Variants in CTNND2 observed in about 807,000 individuals in gnomAD.
The protein encoded by CTNND2 is catenin delta-2.
Under a neutral mutation model 144.4 loss-of-function variants are expected in CTNND2, and 22 were observed. That is an observed-to-expected ratio of 0.15 (90% CI 0.11 to 0.22). The LOEUF (loss-of-function observed/expected upper bound fraction) is 0.22, where lower values mean the gene tolerates loss of function less well. Among genes scored for constraint, CTNND2 ranks in the 10% least tolerant of loss-of-function variants. The probability of loss-of-function intolerance (pLI) is 1.00; values close to 1 mark genes in which losing one functional copy is unlikely to be tolerated. For missense variants in CTNND2, 1,353 were observed against 1,618.8 expected (o/e 0.84, Z 2.82); for synonymous variants, 751 against 695.6 (o/e 1.08, Z -1.25).
In CTNND2 at chr5:11,588,993, T is replaced by C. The variant is rs1223831364; in HGVS notation, c.175-23937A>G. Reference sequence around the variant, plus strand: ...GTCAGGACGCTGAATTATCCTATGGTAATTTCTGCTTTCACTCGCAAACAG... The same window carrying C: ...GTCAGGACGCTGAATTATCCTATGGCAATTTCTGCTTTCACTCGCAAACAG... On this transcript the variant is annotated intron_variant, in intron 2 of 21. Coordinates refer to ENST00000304623, the MANE Select transcript of CTNND2 (RefSeq NM_001332.4). 3.0e-6 allele frequency: 3 copies of C among 985,182 alleles called. No homozygotes were observed. The African/African-American group carries it at 5.2e-5, about 17-fold the overall frequency. 61.0% of individuals were successfully genotyped at this position (985,182 alleles called of 1,614,324 possible).
intron 3 of CTNND2, among the ~76,000 whole-genome samples, chr5:11,487,475 A>T (rs577391944): frequency 6.6e-6 from 1 of 152,224 alleles, no homozygotes; most frequent in African/African-American, 2.4e-5. Flanking sequence ...ATTAAACTCC[A>T]AATCACATGA....
intron 2 of CTNND2, among the ~76,000 whole-genome samples, chr5:11,574,799 A>G (rs1275639706): frequency 2.0e-5 from 3 of 152,186 alleles, no homozygotes; most frequent in Non-Finnish European, 4.4e-5. Flanking sequence ...ATACCACAAT[A>G]GAGAAAGCAG....
chr5:11,120,983 C>A (rs1298991864), intron 12 of CTNND2, among the ~76,000 whole-genome samples: 1 of 152,158 alleles, frequency 6.6e-6, no homozygotes, highest in Non-Finnish European at 1.5e-5. Context: ...TCCGTCTTCC[C>A]CACAGACACA....
chr5:11,225,656 C>T (rs1473689207), intron 10 of CTNND2, among the ~76,000 whole-genome samples: 12 of 152,166 alleles, frequency 7.9e-5, no homozygotes, highest in African/African-American at 1.2e-4. Flanking sequence ...CACTGGCCTA[C>T]GTGGTTTATG....
intron 1 of CTNND2, among the ~76,000 whole-genome samples, chr5:11,806,628 G>A (rs10055762): frequency 0.1 from 15,154 of 152,078 alleles, 1,786 homozygotes; most frequent in African/African-American, 0.28. Flanking sequence ...GTAAAAACCT[G>A]GGTAAGTTCT....
intron 2 of CTNND2, among the ~76,000 whole-genome samples, chr5:11,701,266 C>T (rs1324151323): frequency 6.6e-6 from 1 of 152,142 alleles, no homozygotes; most frequent in Non-Finnish European, 1.5e-5. Flanking sequence ...CCTAGCACTA[C>T]CCCATCAGCA....
intron 9 of CTNND2, among the ~76,000 whole-genome samples, chr5:11,323,212 A>C (rs1752205924): frequency 7.6e-6 from 1 of 131,134 alleles, no homozygotes; most frequent in African/African-American, 2.8e-5. Context: ...CAAATTAAAA[A>C]ACAAAAACAT....
intron 11 of CTNND2, among the ~76,000 whole-genome samples, chr5:11,196,564 A>G (rs1244027517): frequency 6.6e-6 from 1 of 152,226 alleles, no homozygotes; most frequent in African/African-American, 2.4e-5. Context: ...TAATTCATGC[A>G]TGGATACCTG....
chr5:11,143,900 G>A lies in CTNND2; in HGVS notation c.2159+15676C>T, dbSNP rs10053794. On this transcript the variant is annotated intron_variant, in intron 12 of 21. Coordinates refer to ENST00000304623, the MANE Select transcript of CTNND2 (RefSeq NM_001332.4). ...TCCCAGGTTTTCCATAGGGGCAGTC[G>A]CCAGGTCTACACCAGCTAGGGGTTT... Among the ~76,000 whole-genome samples the A allele has an allele frequency of 6.4e-3, 757 of 117,810 alleles. 21 individuals are homozygous for A. The highest frequency in any genetic ancestry group is 0.027 in the African/African-American group (717 of 26,608). The allele number at this position is 117,810 out of a possible 152,430, so 77.3% of individuals were successfully genotyped here. A position where few individuals can be genotyped will look rare whatever the true frequency, so the allele number is the denominator to read the frequency against.
At chr5:11,588,845 G>A in intron 2 of CTNND2, 1 of 985,348 alleles carries the variant, frequency 1.0e-6, no homozygotes, top group Non-Finnish European at 1.2e-6. Flanking sequence ...TCCTTCCCCA[G>A]GCTGTGGAGC....
chr5:11,676,474 G>A (rs1038125390), intron 2 of CTNND2, among the ~76,000 whole-genome samples: 1 of 151,888 alleles, frequency 6.6e-6, no homozygotes, highest in African/African-American at 2.4e-5. Context: ...AATATAATGA[G>A]GAAGAGCTCG....
intron 5 of CTNND2, among the ~76,000 whole-genome samples, chr5:11,410,399 G>T (rs1214297116): frequency 6.6e-6 from 1 of 152,122 alleles, no homozygotes; most frequent in Non-Finnish European, 1.5e-5. Flanking sequence ...AGATCAGTTT[G>T]CTATCTTATC....
chr5:11,790,161 G>C (rs987438303), intron 1 of CTNND2, among the ~76,000 whole-genome samples: 5 of 152,062 alleles, frequency 3.3e-5, no homozygotes, highest in Admixed American at 2.0e-4. Context: ...TTCTGGCCGG[G>C]TTACTGGGGT....
intron 9 of CTNND2, among the ~76,000 whole-genome samples, chr5:11,339,669 G>T (rs575734559): frequency 2.6e-5 from 4 of 152,108 alleles, no homozygotes; most frequent in South Asian, 2.1e-4. Flanking sequence ...ATGTTGGGAG[G>T]TGACTAGGTT....
intron 12 of CTNND2, among the ~76,000 whole-genome samples, chr5:11,151,428 T>C (rs1314390786): frequency 1.3e-5 from 2 of 152,382 alleles, no homozygotes; most frequent in Middle Eastern, 3.4e-3. Context: ...CCTGTACTAA[T>C]GTTTTATAGA....
chr5:10,978,554 T>C (rs1579926802), intron 21 of CTNND2, among the ~76,000 whole-genome samples: 1 of 152,130 alleles, frequency 6.6e-6, no homozygotes, highest in Admixed American at 6.5e-5. Flanking sequence ...TAGGCTAAGA[T>C]AGAATGATCC....
intron 16 of CTNND2, 74 bp from the exon 17 acceptor site, chr5:11,023,053 G>C: frequency 1.5e-6 from 2 of 1,372,712 alleles, no homozygotes; most frequent in Non-Finnish European, 2.1e-6. Flanking sequence ...AGGTGGGTAT[G>C]GGGGAGAAGA....
chr5:11,284,291 C>T (rs1241901039), intron 9 of CTNND2, among the ~76,000 whole-genome samples: 1 of 151,946 alleles, frequency 6.6e-6, no homozygotes, highest in Non-Finnish European at 1.5e-5. Flanking sequence ...TTTTTAAGTT[C>T]CAGGGTACAG....
intron 1 of CTNND2, among the ~76,000 whole-genome samples, chr5:11,837,749 A>G (rs531559448): frequency 6.6e-6 from 1 of 152,238 alleles, no homozygotes; most frequent in Admixed American, 6.5e-5. Flanking sequence ...TTCGAAAAAA[A>G]CAAAGGTTTT....
Sources: allele counts gnomAD v4.1 joint callset (sites outside exome capture counted in the v4.1 genomes callset), GRCh38; gene constraint gnomAD v4.1.1; transcripts MANE v1.5; gene names NCBI Gene and HGNC (gene_info 2026-07-23, HGNC 2026-07-21).